Variants in PTPRN2 observed in about 807,000 individuals in gnomAD.
PTPRN2 encodes protein tyrosine phosphatase receptor type N2.
Under a neutral mutation model 118.8 loss-of-function variants are expected in PTPRN2, and 74 were observed. The observed-to-expected ratio is 0.62, with a 90% confidence interval of 0.52 to 0.76. The LOEUF (loss-of-function observed/expected upper bound fraction) is 0.76. Ranked by LOEUF, PTPRN2 falls within the 30% of genes least tolerant of loss-of-function variation. The probability of loss-of-function intolerance (pLI) is 0.00; values close to 1 mark genes in which losing one functional copy is unlikely to be tolerated. For missense variants in PTPRN2, 1,481 were observed against 1,394.4 expected (o/e 1.06, Z -0.99); for synonymous variants, 641 against 608.0 (o/e 1.05, Z -0.80).
chr7:157,621,306 C>T lies in PTPRN2; in HGVS notation c.2344+56G>A, dbSNP rs377270202. On this transcript the variant is annotated intron_variant, in intron 15 of 22. Transcript: ENST00000389418. ...CGGGCCTGGTATGTACAGGTCAGCA[C>T]GGCCAGTTTCCACCGCCCGTAACCC... 244 of 1,570,930 alleles carry T rather than the reference C, an allele frequency of 1.6e-4. No homozygotes were observed. The Admixed American group carries it at 3.5e-3, about 22-fold the overall frequency.
chr7:158,523,150 C>CA (rs1481083596), intron 1 of PTPRN2, among the ~76,000 whole-genome samples: 1 of 151,834 alleles, frequency 6.6e-6, no homozygotes, highest in Non-Finnish European at 1.5e-5. Flanking sequence ...CAGGAGGGGA[C>CA]ATCACAGGAA....
At chr7:158,129,094 A>G (rs1474759688) in intron 9 of PTPRN2, among the ~76,000 whole-genome samples, 1 of 151,648 alleles carries the variant, frequency 6.6e-6, no homozygotes, top group African/African-American at 2.4e-5. Context: ...CATGCCACAC[A>G]CTACACACCA....
rs146097926 is a variant in PTPRN2, at chr7:158,245,831, G to A, written c.278-40558C>T. On this transcript the variant is annotated intron_variant, in intron 3 of 22. Coordinates refer to ENST00000389418, the MANE Select transcript of PTPRN2 (RefSeq NM_002847.5). The stretch of plus-strand genomic sequence containing the variant: ...CTTGTGCGTGGCCACCATGCTATCC[G>A]CCAACCCCGGTGCCATGGTTATCCC... Among the ~76,000 whole-genome samples, 752 of 152,170 alleles carry A rather than the reference G, an allele frequency of 4.9e-3. 5 individuals carry two copies. The highest frequency in any genetic ancestry group is 0.02 in the Admixed American group (311 of 15,304).
chr7:157,797,088 A>G (rs145543003), intron 12 of PTPRN2, among the ~76,000 whole-genome samples: 13 of 152,242 alleles, frequency 8.5e-5, no homozygotes, highest in Non-Finnish European at 1.5e-4. Context: ...CGGGGATTCA[A>G]CTGCACCGAA....
At chr7:158,331,308 C>T in intron 2 of PTPRN2, among the ~76,000 whole-genome samples, 1 of 141,420 alleles carries the variant, frequency 7.1e-6, no homozygotes, top group East Asian at 2.1e-4. Flanking sequence ...CACACTCTCA[C>T]CATAAGAGCT....
At chr7:158,074,724 T>C (rs1416267460) in intron 11 of PTPRN2, among the ~76,000 whole-genome samples, 2 of 152,056 alleles carry the variant, frequency 1.3e-5, no homozygotes, top group African/African-American at 4.8e-5. Context: ...GAACCTGCTC[T>C]CCCCAGCAGT....
chr7:157,811,379 A>G (rs1806035156), intron 12 of PTPRN2, among the ~76,000 whole-genome samples: 1 of 138,538 alleles, frequency 7.2e-6, no homozygotes, highest in South Asian at 2.2e-4. Context: ...TGTATGTTTT[A>G]GTATCAAAAT....
At chr7:158,009,902 C>T (rs1358516097) in intron 11 of PTPRN2, among the ~76,000 whole-genome samples, 4 of 152,204 alleles carry the variant, frequency 2.6e-5, no homozygotes, top group African/African-American at 4.8e-5. Context: ...ATCTACGCCA[C>T]GCCATTCCCA....
Position 157,619,972 on chromosome 7 carries a change from C to T in PTPRN2, c.2344+1390G>A, listed in dbSNP as rs930542427. On this transcript the variant is annotated intron_variant, in intron 15 of 22. Transcript: ENST00000389418. This position sits in a 1 kb window ranked among gnomAD's most constrained non-coding sequence, Gnocchi z 5.3. ...GACACTGGTCCCGCCTGATGCTGAGCTGAAAGTGAGTGTGGCCGAGTGGTG... is the reference window on the plus strand; with the variant it reads ...GACACTGGTCCCGCCTGATGCTGAGTTGAAAGTGAGTGTGGCCGAGTGGTG... Among the ~76,000 whole-genome samples the T allele has an allele frequency of 3.9e-5, 6 of 152,220 alleles. No homozygotes were observed. Among genetic ancestry groups the T allele is most frequent in the African/African-American group, 1.2e-4 (5 of 41,452 alleles).
At chr7:158,079,166 G>A (rs1812607258) in intron 11 of PTPRN2, among the ~76,000 whole-genome samples, 1 of 152,112 alleles carries the variant, frequency 6.6e-6, no homozygotes, top group South Asian at 2.1e-4. Context: ...TATAGCATCA[G>A]GCACGTTCAT....
In PTPRN2 at chr7:158,401,480, C is replaced by T. The variant is rs569015089; in HGVS notation, c.164-84548G>A. ...GGACGGCCCCACGGGTGCCAAGACA[C>T]GATGGACCCCAAGGGAGCAGCGTGG... On this transcript the variant is annotated intron_variant, in intron 2 of 22. Transcript: ENST00000389418. Among the ~76,000 whole-genome samples the T allele has an allele frequency of 3.3e-5, 5 of 152,320 alleles. No individual in the cohort carries two copies. The South Asian group carries it at 8.3e-4, about 25-fold the overall frequency.
intron 1 of PTPRN2, among the ~76,000 whole-genome samples, chr7:158,521,071 G>A (rs763001106): frequency 9.9e-5 from 15 of 152,248 alleles, no homozygotes; most frequent in South Asian, 2.1e-4. Context: ...CCCTCTGTGC[G>A]AGGCGCTCAG....
At chr7:158,491,568 C>A (rs759389985) in intron 1 of PTPRN2, among the ~76,000 whole-genome samples, 5 of 152,216 alleles carry the variant, frequency 3.3e-5, no homozygotes, top group Non-Finnish European at 7.4e-5. Context: ...TGGCTCACTG[C>A]GACCTCTGCC....
rs1289407389 is a variant in PTPRN2, at chr7:157,767,907, G to A, written c.1789-84970C>T. Among the ~76,000 whole-genome samples, 9 of 152,320 alleles carry A rather than the reference G, an allele frequency of 5.9e-5. No homozygotes were observed. In the South Asian group the frequency reaches 1.5e-3, roughly 25 times the overall value. On this transcript the variant is annotated intron_variant, in intron 12 of 22. Coordinates refer to ENST00000389418, the MANE Select transcript of PTPRN2 (RefSeq NM_002847.5). ...AACTCAAAAGGCAGGTAGGACTTAGGAGGCAAGAAAGCCCGCTTGAGGGAC... is the reference window on the plus strand; with the variant it reads ...AACTCAAAAGGCAGGTAGGACTTAGAAGGCAAGAAAGCCCGCTTGAGGGAC...
chr7:157,778,736 C>T (rs373790020), intron 12 of PTPRN2, among the ~76,000 whole-genome samples: 3 of 149,362 alleles, frequency 2.0e-5, no homozygotes, highest in South Asian at 2.2e-4. Flanking sequence ...ATACAGGTGC[C>T]GAATGCCCAC....
chr7:158,461,873 C>T (rs1465353715), intron 2 of PTPRN2, among the ~76,000 whole-genome samples: 1 of 141,084 alleles, frequency 7.1e-6, no homozygotes, highest in African/African-American at 2.6e-5. Context: ...TGGGTTCCTA[C>T]AGTCTGAGTT....
chr7:158,399,208 T>C (rs945487408), intron 2 of PTPRN2, among the ~76,000 whole-genome samples: 5 of 152,248 alleles, frequency 3.3e-5, no homozygotes, highest in African/African-American at 1.2e-4. Flanking sequence ...CCTGCTCATA[T>C]TTAATAAGGG....
intron 2 of PTPRN2, among the ~76,000 whole-genome samples, chr7:158,413,048 G>C (rs1814324670): frequency 1.3e-5 from 2 of 148,790 alleles, no homozygotes; most frequent in South Asian, 4.3e-4. Flanking sequence ...GGCCCATCCA[G>C]TGCCCTTCTC....
intron 12 of PTPRN2, among the ~76,000 whole-genome samples, chr7:157,889,618 CATT>C (rs1244599653): frequency 6.6e-6 from 1 of 152,246 alleles, no homozygotes; most frequent in African/African-American, 2.4e-5. Context: ...ATTTTGCAAA[CATT>C]AGCTGACCAT....
Sources: allele counts gnomAD v4.1 joint callset (sites outside exome capture counted in the v4.1 genomes callset), GRCh38; gene constraint gnomAD v4.1.1; non-coding constraint Gnocchi (gnomAD v3.1); transcripts MANE v1.5; gene names NCBI Gene and HGNC (gene_info 2026-07-23, HGNC 2026-07-21).